TRPC6: variants seen among roughly 807,000 people sequenced by gnomAD.
TRPC6 encodes the protein transient receptor potential cation channel subfamily C member 6.
A neutral mutation model predicts 90.7 loss-of-function variants in TRPC6; 55 were observed. The ratio of observed to expected loss-of-function variants is 0.61; its 90% CI spans 0.49 to 0.76. TRPC6 has a LOEUF of 0.76. TRPC6 is among the 30% of genes least tolerant of loss of function. The pLI, the probability that TRPC6 is intolerant of heterozygous loss-of-function variation, is 0.00. For synonymous variants in TRPC6, 393 were observed against 393.0 expected, an observed-to-expected ratio of 1.00 and a Z score of 0.00; for missense variants, 989 against 1,122.7, an observed-to-expected ratio of 0.88 and a Z score of 1.70.
chr11:101,521,209 G>A (rs568838689), intron 1 of TRPC6, among the ~76,000 whole-genome samples: 34 of 151,244 alleles, frequency 2.2e-4, no homozygotes, highest in South Asian at 1.9e-3. Flanking sequence ...GAATGGTTTC[G>A]TAGGCCAGGC....
Position 101,452,721 on chromosome 11 carries a change from C to T in TRPC6, c.*234G>A, listed in dbSNP as rs1183494496. ...ATATCCAAGAAAGCAGTTTATAAAA[C>T]AAGCACCAAACAACTGGGCATAATT... On this transcript the variant is annotated 3_prime_UTR_variant, in exon 13 of 13. Transcript: ENST00000344327. The T allele has an allele frequency of 1.2e-5, 6 of 520,610 alleles. No homozygotes were observed. The Admixed American group carries it at 1.6e-4, about 14-fold the overall frequency. 32.2% of individuals were successfully genotyped at this position (520,610 alleles called of 1,614,324 possible).
chr11:101,551,582 G>A (rs61916055), intron 1 of TRPC6, among the ~76,000 whole-genome samples: 38,945 of 151,694 alleles, frequency 0.26, 5,814 homozygotes, highest in Non-Finnish European at 0.34. Context: ...TCATAAAGCT[G>A]CACATTTTTT....
At position 101,453,691 on chromosome 11, in the gene TRPC6, A is replaced by G. The variant is rs1215969038; in HGVS notation, c.2603T>C (p.Leu868Pro). Reference sequence around the variant, plus strand: ...ACTCTCCTTATCTATCTGGGCCTGCAGTACATATCTTTTAATGAGCCTTTT... The same window carrying G: ...ACTCTCCTTATCTATCTGGGCCTGCGGTACATATCTTTTAATGAGCCTTTT... ...IMKRLIKRYV[L>P]QAQIDKESDE... The change falls in exon 12 of 13, where the codon CTG becomes CCG. Residue 868 changes from leucine to proline, a missense_variant. By Grantham distance (98) the Leu-to-Pro change is moderately conservative. Transcript: ENST00000344327. 3.7e-6 allele frequency: 6 copies of G among 1,613,880 alleles called. No homozygotes were observed. In the East Asian group the frequency reaches 8.9e-5, roughly 24 times the overall value.
chr11:101,496,094 G>A (rs1311575080), intron 2 of TRPC6, among the ~76,000 whole-genome samples: 1 of 152,074 alleles, frequency 6.6e-6, no homozygotes, highest in Non-Finnish European at 1.5e-5. Context: ...GAGAGAGAGA[G>A]AGAGAGTGAA....
intron 1 of TRPC6, among the ~76,000 whole-genome samples, chr11:101,582,786 T>C (rs1862226217): frequency 6.6e-6 from 1 of 152,028 alleles, no homozygotes; most frequent in Non-Finnish European, 1.5e-5. Context: ...GGAGAGGTCC[T>C]GGTCTAACTT....
chr11:101,507,721 G>C (rs763867978), intron 1 of TRPC6, among the ~76,000 whole-genome samples: 2 of 152,012 alleles, frequency 1.3e-5, no homozygotes, highest in African/African-American at 4.8e-5. Context: ...ATGCAATTTT[G>C]ATTCTGGATA....
rs1383295227 is a variant in TRPC6 at position 101,455,068 on chromosome 11, A to G, written c.2518T>C (p.Ser840Pro). 6.2e-6 allele frequency: 10 copies of G among 1,612,546 alleles called. No homozygotes were observed. The highest frequency in any genetic ancestry group is 8.5e-6 in the Non-Finnish European group (10 of 1,179,032). The change falls in exon 11 of 13, where the codon TCA becomes CCA. Residue 840 changes from serine (S) to proline (P), a missense_variant. Ser to Pro is a moderately conservative substitution (Grantham distance 74). Transcript: ENST00000344327. ...GHNKQPSIRS[S>P]EDFHLNSFNN... ...AAACTATTTAGATGGAAATCTTCTG[A>G]GCTCCTTATACTTGGTTGTTTATTG... is the stretch of plus-strand genomic sequence containing the variant.
At chr11:101,506,709 G>A (rs892900247) in intron 1 of TRPC6, among the ~76,000 whole-genome samples, 3 of 151,910 alleles carry the variant, frequency 2.0e-5, no homozygotes, top group Non-Finnish European at 4.4e-5. Flanking sequence ...TAATACATAT[G>A]CAACTTTTAT....
At chr11:101,483,512 T>C (rs1037518926) in intron 4 of TRPC6, among the ~76,000 whole-genome samples, 1 of 152,148 alleles carries the variant, frequency 6.6e-6, no homozygotes, top group South Asian at 2.1e-4. Context: ...GTCTGAGGTA[T>C]TGAGGAAGTG....
At chr11:101,538,548 G>C (rs1861103826) in intron 1 of TRPC6, among the ~76,000 whole-genome samples, 1 of 152,122 alleles carries the variant, frequency 6.6e-6, no homozygotes, top group Non-Finnish European at 1.5e-5. Flanking sequence ...TACGTTACAT[G>C]GCAAAAGGGA....
chr11:101,581,542 C>T (rs1419536517), intron 1 of TRPC6, among the ~76,000 whole-genome samples: 2 of 152,030 alleles, frequency 1.3e-5, no homozygotes, highest in Non-Finnish European at 1.5e-5. Flanking sequence ...TTTAAAAAGC[C>T]GTATAAATTT....
chr11:101,544,020 C>G (rs1224538976), intron 1 of TRPC6, among the ~76,000 whole-genome samples: 1 of 152,120 alleles, frequency 6.6e-6, no homozygotes, highest in Non-Finnish European at 1.5e-5. Context: ...CTAAAATGAA[C>G]TTAAACAAGT....
At position 101,453,731 on chromosome 11, in the gene TRPC6, A is replaced by T; in HGVS notation, c.2569-6T>A. 1 of 1,611,768 alleles carries T rather than the reference A, an allele frequency of 6.2e-7. No individual in the cohort carries two copies. Among genetic ancestry groups the T allele is most frequent in the Non-Finnish European group, 8.5e-7 (1 of 1,178,018 alleles). ...ATGAGCCTTTTCATTATTTTCTAGA[A>T]AACAGAGAAAGGAGAAATCTATGTC... On this transcript the variant is annotated splice_polypyrimidine_tract_variant and splice_region_variant and intron_variant, in intron 11 of 12. Coordinates refer to ENST00000344327, the MANE Select transcript of TRPC6 (RefSeq NM_004621.6).
chr11:101,482,404 A>AC (rs1314650111), intron 5 of TRPC6, among the ~76,000 whole-genome samples: 3 of 152,144 alleles, frequency 2.0e-5, no homozygotes, highest in Admixed American at 1.3e-4. Context: ...TCCACTTACC[A>AC]CCCAAGAGGC....
chr11:101,569,155 G>C (rs924230046), intron 1 of TRPC6, among the ~76,000 whole-genome samples: 1 of 151,554 alleles, frequency 6.6e-6, no homozygotes, highest in African/African-American at 2.4e-5. Context: ...TCAAAATAAA[G>C]GGATGGAGGA....
At chr11:101,569,881 G>T (rs1287429914) in intron 1 of TRPC6, among the ~76,000 whole-genome samples, 1 of 152,058 alleles carries the variant, frequency 6.6e-6, no homozygotes, top group African/African-American at 2.4e-5. Flanking sequence ...TGTTTAGAGG[G>T]AAATTTATAC....
chr11:101,544,395 A>T (rs1161913527), intron 1 of TRPC6, among the ~76,000 whole-genome samples: 2 of 152,292 alleles, frequency 1.3e-5, no homozygotes, highest in East Asian at 1.9e-4. Flanking sequence ...TACCCAAAGG[A>T]TTATAAATCA....
At chr11:101,488,014 T>C (rs1351356702) in intron 4 of TRPC6, among the ~76,000 whole-genome samples, 1 of 152,152 alleles carries the variant, frequency 6.6e-6, no homozygotes, top group Non-Finnish European at 1.5e-5. Context: ...TTACGAATGT[T>C]TGAAAATGAA....
intron 1 of TRPC6, among the ~76,000 whole-genome samples, chr11:101,575,653 C>A (rs748103201): frequency 5.5e-4 from 84 of 152,040 alleles, no homozygotes; most frequent in Non-Finnish European, 7.6e-4. Flanking sequence ...CATATAAAAT[C>A]AACAGAGATG....
Sources: allele counts gnomAD v4.1 joint callset (sites outside exome capture counted in the v4.1 genomes callset), GRCh38; gene constraint gnomAD v4.1.1; transcripts MANE v1.5; gene names NCBI Gene and HGNC (gene_info 2026-07-23, HGNC 2026-07-21).